The following COQ6 variants were observed in gnomAD, a reference collection of about 807,000 sequenced individuals.
COQ6 encodes coenzyme Q6, monooxygenase, also known as ubiquinone biosynthesis monooxygenase COQ6, mitochondrial.
A neutral mutation model predicts 55.5 loss-of-function variants in COQ6; 45 were observed. That is an observed-to-expected ratio of 0.81 (90% CI 0.64 to 1.04). The LOEUF is 1.04. Among genes scored for constraint, COQ6 ranks in the 50% least tolerant of loss-of-function variants. The pLI is 0.00. For missense variants in COQ6, 550 were observed against 601.3 expected (o/e 0.91, Z 0.89); for synonymous variants, 206 against 230.5 (o/e 0.89, Z 0.96).
At chr14:73,962,225 C>T (rs2056774601) in intron 11 of COQ6, among the ~76,000 whole-genome samples, 1 of 151,990 alleles carries the variant, frequency 6.6e-6, no homozygotes, top group African/African-American at 2.4e-5. Context: ...GGATTACAGG[C>T]GTGAGCCACT....
chr14:73,960,876 T>C (rs2056688495), intron 8 of COQ6: 1 of 480,850 alleles, frequency 2.1e-6, no homozygotes, highest in Non-Finnish European at 3.8e-6. Flanking sequence ...AGAAGGATAC[T>C]GTGTGATGAG....
upstream of COQ6, chr14:73,950,012 C>A: frequency 6.2e-7 from 1 of 1,613,052 alleles, no homozygotes; most frequent in Non-Finnish European, 8.5e-7. Flanking sequence ...CTCCCTCAGG[C>A]CTCCCCACGG....
intron 2 of COQ6, among the ~76,000 whole-genome samples, chr14:73,954,686 AC>A (rs2056334894): frequency 6.6e-6 from 1 of 151,602 alleles, no homozygotes; most frequent in Non-Finnish European, 1.5e-5. Context: ...TACTAAAAAT[AC>A]AAAAAAATGA....
chr14:73,961,161 G>A lies in COQ6; in HGVS notation c.892-12G>A. ...ATTTCACCTTGTTTGTCTTGTGGCT[G>A]ATGCTGCTCAGTGGAGTGATGCTGA... On this transcript the variant is annotated splice_polypyrimidine_tract_variant and intron_variant, in intron 8 of 11. Coordinates refer to ENST00000334571, the MANE Select transcript of COQ6 (RefSeq NM_182476.3). The A allele has an allele frequency of 1.9e-6, 3 of 1,612,620 alleles. No individual in the cohort carries two copies. Among genetic ancestry groups the A allele is most frequent in the Non-Finnish European group, 2.5e-6 (3 of 1,179,530 alleles).
chr14:73,951,437 C>T (rs2056188699), intron 1 of COQ6, among the ~76,000 whole-genome samples: 2 of 151,600 alleles, frequency 1.3e-5, no homozygotes, highest in African/African-American at 4.9e-5. Flanking sequence ...TACAATGGCA[C>T]GATCTCAGCT....
intron 1 of COQ6, among the ~76,000 whole-genome samples, chr14:73,951,842 C>G (rs959995509): frequency 1.3e-5 from 2 of 151,280 alleles, no homozygotes; most frequent in Non-Finnish European, 3.0e-5. Context: ...TCATAGACTT[C>G]TGTAACAGGG....
intron 4 of COQ6, 116 bp downstream of exon 4, chr14:73,956,044 G>T: frequency 4.0e-6 from 6 of 1,493,622 alleles, no homozygotes; most frequent in Non-Finnish European, 5.5e-6. Context: ...TCCTCTGATG[G>T]CCGGGTGCGG....
At chr14:73,954,573 G>A (rs2056327290) in intron 2 of COQ6, among the ~76,000 whole-genome samples, 1 of 152,192 alleles carries the variant, frequency 6.6e-6, no homozygotes, top group Non-Finnish European at 1.5e-5. Flanking sequence ...GCCGGGTGCG[G>A]TGGCTCACGC....
In COQ6 at chr14:73,950,473, C is replaced by T. The variant is rs1481387350; in HGVS notation, c.141C>T (p.Gly47=). The T allele has an allele frequency of 1.9e-5, 30 of 1,609,050 alleles. No individual in the cohort carries two copies. The highest frequency in any genetic ancestry group is 2.3e-5 in the Non-Finnish European group (27 of 1,178,444). The change falls in exon 1 of 12, where the codon GGC becomes GGT. Residue 47 remains glycine, a synonymous_variant. Transcript: ENST00000334571. ...TGGTGTCGGGTGGAGGCCTGGTGGG[C>T]GCTGCCATGGCCTGTGCCTTGGGTA... The part of the protein sequence containing the change: ...DVVVSGGGLV[G]AAMACALGYD...
chr14:73,956,279 GATC>G, intron 4 of COQ6: 1 of 285,014 alleles, frequency 3.5e-6, no homozygotes. Context: ...AGTGAGCCGA[GATC>G]ACGCCACTGC....
At chr14:73,958,687 T>A in intron 5 of COQ6, 1 of 1,343,876 alleles carries the variant, frequency 7.4e-7, no homozygotes, top group Non-Finnish European at 9.6e-7. Context: ...TGCCCCATAC[T>A]GAAACTTTCC....
intron 1 of COQ6, 65 bp from the exon 2 acceptor site, chr14:73,953,370 T>C: frequency 7.2e-7 from 1 of 1,390,428 alleles, no homozygotes; most frequent in South Asian, 1.2e-5. Context: ...CTCTGTTGTT[T>C]CTCTTGGTAA....
chr14:73,959,699 A>G, intron 8 of COQ6, 177 bp downstream of exon 8: 1 of 1,266,444 alleles, frequency 7.9e-7, no homozygotes, highest in Admixed American at 2.4e-5. Context: ...CCTCCTAAGT[A>G]GCTGGGACTA....
chr14:73,958,495 C>T, intron 5 of COQ6: 1 of 1,381,640 alleles, frequency 7.2e-7, no homozygotes, highest in Non-Finnish European at 9.4e-7. Context: ...TGTGAAATAA[C>T]AGATAGCTGG....
chr14:73,956,948 T>G (rs1432282045), intron 4 of COQ6, among the ~76,000 whole-genome samples: 1 of 152,134 alleles, frequency 6.6e-6, no homozygotes, highest in Non-Finnish European at 1.5e-5. Context: ...ATCACACTTG[T>G]GTGTGCATGT....
At position 73,959,145 on chromosome 14, in the gene COQ6, T is replaced by C. The variant is rs146605584; in HGVS notation, c.721-17T>C. The C allele has an allele frequency of 5.0e-6, 8 of 1,614,166 alleles. No individual in the cohort carries two copies. In the African/African-American group the frequency reaches 6.7e-5, roughly 13 times the overall value. On this transcript the variant is annotated splice_polypyrimidine_tract_variant and intron_variant, in intron 6 of 11. Coordinates refer to ENST00000334571, the MANE Select transcript of COQ6 (RefSeq NM_182476.3). ...ACTAGGTACTTCACAGAGAAACTTT[T>C]CTCCTCTCTGTTGCAGGCCACAGAA...
rs759823841 is a variant in COQ6, at chr14:73,950,359, C to T, written c.27C>T (p.Cys9=). The change falls in exon 1 of 12, where the codon TGC becomes TGT. Residue 9 remains cysteine, a synonymous_variant. Coordinates refer to ENST00000334571, the MANE Select transcript of COQ6 (RefSeq NM_182476.3). MAARLVSR[C]GAVRAAPHSG... is the part of the protein sequence containing the mutation. ...TGGCGGCCCGGCTTGTCAGCCGATGCGGGGCTGTGCGTGCAGCTCCCCACA... is the reference window on the plus strand; with the variant it reads ...TGGCGGCCCGGCTTGTCAGCCGATGTGGGGCTGTGCGTGCAGCTCCCCACA... The T allele has an allele frequency of 3.2e-6, 5 of 1,557,586 alleles. No individual in the cohort carries two copies. Among genetic ancestry groups the T allele is most frequent in the African/African-American group, 2.7e-5 (2 of 73,514 alleles).
Position 73,953,349 on chromosome 14 carries a change from T to C in COQ6, c.164-86T>C, listed in dbSNP as rs1428304802. 2.6e-6 allele frequency: 3 copies of C among 1,151,790 alleles called. No homozygotes were observed. In the African/African-American group the frequency reaches 4.6e-5, roughly 18 times the overall value. 71.3% of individuals were successfully genotyped at this position (1,151,790 alleles called of 1,614,324 possible). A position where few individuals can be genotyped will look rare whatever the true frequency, so the allele number is the denominator to read the frequency against. On this transcript the variant is annotated intron_variant, in intron 1 of 11. Transcript: ENST00000334571. ...CTGTAAGAAATTCATATTCTAAGGG[T>C]TAAGTGGTTACTCTGTTGTTTCTCT...
chr14:73,955,823 G>A lies in COQ6; in HGVS notation c.376G>A (p.Glu126Lys). The A allele has an allele frequency of 6.2e-7, 1 of 1,614,186 alleles. No homozygotes were observed. Among genetic ancestry groups the A allele is most frequent in the Non-Finnish European group, 8.5e-7 (1 of 1,180,024 alleles). ...TTTCCAGGTGTGGGACGCCTGCTCA[G>A]AGGCCCTGATAATGTTTGATAAGGA... ...RRMQVWDACS[E>K]ALIMFDKDNL... Residue 126 changes from glutamate to lysine, a missense_variant, in exon 4 of 12, where the codon GAG (glutamate) becomes AAG (lysine). Coordinates refer to ENST00000334571, the MANE Select transcript of COQ6 (RefSeq NM_182476.3).
Sources: allele counts gnomAD v4.1 joint callset (sites outside exome capture counted in the v4.1 genomes callset), GRCh38; gene constraint gnomAD v4.1.1; transcripts MANE v1.5; gene names NCBI Gene and HGNC (gene_info 2026-07-23, HGNC 2026-07-21).